IGFLR1: variants seen among roughly 807,000 people sequenced by gnomAD.
IGFLR1 encodes the protein IGF like family receptor 1.
A neutral mutation model predicts 23.4 loss-of-function variants in IGFLR1; 17 were observed. The observed-to-expected ratio is 0.73, with a 90% CI of 0.50 to 1.09. The LOEUF (loss-of-function observed/expected upper bound fraction) is 1.09, where lower values mean the gene tolerates loss of function less well. IGFLR1 is among the 50% of genes least tolerant of loss of function. The probability of loss-of-function intolerance (pLI) is 0.00; values close to 1 mark genes in which losing one functional copy is unlikely to be tolerated. For synonymous variants in IGFLR1, 265 were observed against 210.7 expected (o/e 1.26, Z -2.23); for missense variants, 556 against 459.2 (o/e 1.21, Z -1.93).
At chr19:35,740,778 C>T (rs1040974394) in intron 2 of IGFLR1, 6 of 639,292 alleles carry the variant, frequency 9.4e-6, no homozygotes, top group Non-Finnish European at 1.6e-5. Flanking sequence ...GGCTTCTCTA[C>T]ATAAAGCCCA....
Position 35,739,622 on chromosome 19 carries a change from C to G in IGFLR1, c.726G>C (p.Leu242=). The G allele has an allele frequency of 6.2e-7, 1 of 1,610,352 alleles. No individual in the cohort carries two copies. The highest frequency in any genetic ancestry group is 8.5e-7 in the Non-Finnish European group (1 of 1,177,266). The part of the protein sequence containing the change: ...ASLLPLLSRE[L]SSLASQPLSR... Reference sequence around the variant, plus strand: ...ACAGGGGTTGTGACGCCAGACTGGACAGTTCTGGAAGAAAGGGGAAGGGTA... The same window carrying G: ...ACAGGGGTTGTGACGCCAGACTGGAGAGTTCTGGAAGAAAGGGGAAGGGTA... Residue 242 remains leucine (L), a synonymous_variant, in exon 5 of 5, where the codon CTG becomes CTC. Transcript: ENST00000246532.
chr19:35,739,985 G>A lies in IGFLR1; in HGVS notation c.446C>T (p.Thr149Ile). The change falls in exon 4 of 5, where the codon ACC becomes ATC. Residue 149 changes from threonine to isoleucine, a missense_variant. Transcript: ENST00000246532. ...SSPASSIAWRTPEPVPQQAWP... is the reference protein window; with the variant it reads ...SSPASSIAWRIPEPVPQQAWP... ...GGCCTGCTGAGGGACAGGCTCAGGG[G>A]TCCTCCAGGCAATGGAACTTGCTGG... 1 of 1,614,126 alleles carries A rather than the reference G, an allele frequency of 6.2e-7. No individual in the cohort carries two copies. Among genetic ancestry groups the A allele is most frequent in the Non-Finnish European group, 8.5e-7 (1 of 1,180,012 alleles).
intron 1 of IGFLR1, 28 bp downstream of exon 1, chr19:35,742,368 C>A: frequency 6.6e-7 from 1 of 1,504,796 alleles, no homozygotes; most frequent in South Asian, 1.2e-5. Context: ...AGGTTTTCAG[C>A]ACAAAGGTGT....
In IGFLR1 at chr19:35,741,158, A is replaced by T. The variant is rs199902961; in HGVS notation, c.23T>A (p.Leu8Gln). MGPGRCL[L>Q]TALLLLALAP... ...CAGGGCCAGAAGCAACAAGGCCGTC[A>T]GGAGGCATCGTCCAGGCCCCATCTG... The change falls in exon 2 of 5, where the codon CTG becomes CAG. Residue 8 changes from leucine (L) to glutamine (Q), a missense_variant. Transcript: ENST00000246532. 1.0e-4 allele frequency: 163 copies of T among 1,606,010 alleles called. No homozygotes were observed. Among genetic ancestry groups the T allele is most frequent in the Non-Finnish European group, 1.7e-6 (2 of 1,175,362 alleles).
rs576901469 is a variant in IGFLR1 at position 35,742,133 on chromosome 19, C to T, written c.-44+263G>A. On this transcript the variant is annotated intron_variant, in intron 1 of 4. Coordinates refer to ENST00000246532, the MANE Select transcript of IGFLR1 (RefSeq NM_024660.4). The stretch of plus-strand genomic sequence containing the variant: ...AAAAAAACAAAAACAAACTAAAGTG[C>T]TGAAAACAGCACCTCACATACAGTA... Among the ~76,000 whole-genome samples, 44 of 152,270 alleles carry T rather than the reference C, an allele frequency of 2.9e-4. No individual in the cohort carries two copies. The South Asian group carries it at 3.3e-3, about 11-fold the overall frequency.
At chr19:35,741,799 G>A (rs1382334326) in intron 1 of IGFLR1, among the ~76,000 whole-genome samples, 1 of 148,620 alleles carries the variant, frequency 6.7e-6, no homozygotes, top group Non-Finnish European at 1.5e-5. Flanking sequence ...AACACAGCAA[G>A]ACCTCATCTC....
At chr19:35,740,661 C>T in intron 2 of IGFLR1, 97 bp from the exon 3 acceptor site, 1 of 1,204,450 alleles carries the variant, frequency 8.3e-7, no homozygotes, top group Non-Finnish European at 1.2e-6. Flanking sequence ...CCCGCCCCTC[C>T]AGGACGCTTC....
chr19:35,741,004 G>A lies in IGFLR1; in HGVS notation c.157+20C>T, dbSNP rs544277652. The A allele has an allele frequency of 6.2e-7, 1 of 1,609,504 alleles. No individual in the cohort carries two copies. The highest frequency in any genetic ancestry group is 8.5e-7 in the Non-Finnish European group (1 of 1,178,418). On this transcript the variant is annotated intron_variant, in intron 2 of 4. Transcript: ENST00000246532. The stretch of plus-strand genomic sequence containing the variant: ...CACCTGCAAGCTCCGCCCAAGCAAG[G>A]CTCGGTCTCGGATTCTCACCCGGGC...
rs754502101 is a variant in IGFLR1, at chr19:35,739,718, A to G, written c.713T>C (p.Leu238Pro). 12 of 1,550,838 alleles carry G rather than the reference A, an allele frequency of 7.7e-6. No individual in the cohort carries two copies. The highest frequency in any genetic ancestry group is 5.5e-5 in the African/African-American group (4 of 73,202). The change falls in exon 4 of 5, where the codon CTG becomes CCG. Residue 238 changes from leucine (L) to proline (P), a missense_variant. Transcript: ENST00000246532. ...TWKEASLLPLLSRELSSLASQ... is the reference protein window; with the variant it reads ...TWKEASLLPLPSRELSSLASQ... The stretch of plus-strand genomic sequence containing the variant: ...GCTCCTCCAGGACTAACCCCTGCTC[A>G]GGAGTGGAAGTAGTGAGGCCTCCTT...
At position 35,739,294 on chromosome 19, in the gene IGFLR1, C is replaced by T. The variant is rs556748016; in HGVS notation, c.1054G>A (p.Val352Ile). 1 of 1,594,266 alleles carries T rather than the reference C, an allele frequency of 6.3e-7. No individual in the cohort carries two copies. The highest frequency in any genetic ancestry group is 8.6e-7 in the Non-Finnish European group (1 of 1,167,580). Residue 352 changes from valine (V) to isoleucine (I), a missense_variant, in exon 5 of 5, where the codon GTT (valine) becomes ATT (isoleucine). Coordinates refer to ENST00000246532, the MANE Select transcript of IGFLR1 (RefSeq NM_024660.4). The stretch of plus-strand genomic sequence containing the variant: ...TTTATTGGGTGTTAAGCCCAGCAAA[C>T]CCCAGATGAGCCAAGCTTGGACAGC... ...RVLSKLGSSG[V>I]CWA
rs191751735 is a variant in IGFLR1, at chr19:35,739,786, C to A, written c.645G>T (p.Ser215=). ...CCAGGGCGCCTGGGGAGGACAGATG[C>A]GAGGAGGAAGGGGTGTGGGTGTTGG... ...GVPNTHTPSS[S]HLSSPGALET... Residue 215 remains serine (S), a synonymous_variant, in exon 4 of 5, where the codon TCG becomes TCT. Transcript: ENST00000246532. 1.3e-6 allele frequency: 2 copies of A among 1,572,992 alleles called. No homozygotes were observed.
chr19:35,740,248 C>T (rs1004310372), intron 3 of IGFLR1, 132 bp downstream of exon 3: 2 of 1,312,672 alleles, frequency 1.5e-6, no homozygotes, highest in East Asian at 2.5e-5. Flanking sequence ...TAACCTAGGA[C>T]CTCCCGACCC....
At position 35,740,073 on chromosome 19, in the gene IGFLR1, T is replaced by TGGCAGGGACC; in HGVS notation, c.348_357dup (p.Lys120GlyfsTer18). ...CCAGGTGTGAGGGGGCAGTGCCCCT[T>TGGCAGGGACC]GGCAGGGACCGGCCTCTGGGGATAA... On this transcript the variant is annotated frameshift_variant, in exon 4 of 5. Coordinates refer to ENST00000246532, the MANE Select transcript of IGFLR1 (RefSeq NM_024660.4). LOFTEE classifies it high-confidence loss of function. The TGGCAGGGACC allele has an allele frequency of 6.2e-7, 1 of 1,612,808 alleles. No homozygotes were observed. Among genetic ancestry groups the TGGCAGGGACC allele is most frequent in the Non-Finnish European group, 8.5e-7 (1 of 1,179,660 alleles).
In IGFLR1 at chr19:35,740,535, T is replaced by C. The variant is rs765679716; in HGVS notation, c.187A>G (p.Asn63Asp). The change falls in exon 3 of 5, where the codon AAT becomes GAT. Residue 63 changes from asparagine (N) to aspartate (D), a missense_variant. Asn to Asp is a conservative substitution (Grantham distance 23). Transcript: ENST00000246532. ...DYEFRENCGL[N>D]DHGDFVTPPF... ...GGCGTTACGAAATCGCCGTGGTCAT[T>C]GAGTCCGCAGTTTTCCCGGAACTCA... is the stretch of plus-strand genomic sequence containing the variant. The C allele has an allele frequency of 1.1e-5, 17 of 1,610,680 alleles. No homozygotes were observed. The highest frequency in any genetic ancestry group is 6.6e-5 in the South Asian group (6 of 90,824).
Position 35,739,231 on chromosome 19 carries a change from T to G in IGFLR1, c.*49A>C. 7.0e-7 allele frequency: 1 copy of G among 1,438,750 alleles called. No homozygotes were observed. Among genetic ancestry groups the G allele is most frequent in the South Asian group, 1.4e-5 (1 of 72,658 alleles). The allele number at this position is 1,438,750 out of a possible 1,614,324, so 89.1% of individuals were successfully genotyped here. ...GATTGTACTTCAAGAAGTACTTCAGTGCTAATTGTATACTGGGCTTAGTAG... is the reference window on the plus strand; with the variant it reads ...GATTGTACTTCAAGAAGTACTTCAGGGCTAATTGTATACTGGGCTTAGTAG... On this transcript the variant is annotated 3_prime_UTR_variant, in exon 5 of 5. Transcript: ENST00000246532.
chr19:35,738,897 G>A lies in IGFLR1; in HGVS notation c.*383C>T, dbSNP rs370468581. On this transcript the variant is annotated 3_prime_UTR_variant, in exon 5 of 5. Coordinates refer to ENST00000246532, the MANE Select transcript of IGFLR1 (RefSeq NM_024660.4). The surrounding 1 kb of genome is among the most constrained non-coding windows in gnomAD (Gnocchi z 8.7). ...GTTTGGAGAGGTGGTCTTCCCATTT[G>A]TAGGCTGTGGGGGCAGGTAGGAACC... The A allele has an allele frequency of 2.0e-4, 91 of 456,196 alleles. No individual in the cohort carries two copies. The East Asian group carries it at 2.2e-3, about 11-fold the overall frequency. 28.3% of individuals were successfully genotyped at this position (456,196 alleles called of 1,614,324 possible). A position where few individuals can be genotyped will look rare whatever the true frequency, so the allele number is the denominator to read the frequency against.
At position 35,739,106 on chromosome 19, in the gene IGFLR1, TG is replaced by T. The variant is rs1970041258; in HGVS notation, c.*173del. The T allele has an allele frequency of 5.4e-5, 35 of 649,734 alleles. 1 individual carries two copies. In the South Asian group the frequency reaches 7.3e-4, roughly 14 times the overall value. The allele number at this position is 649,734 out of a possible 1,614,324, so 40.2% of individuals were successfully genotyped here. A position where few individuals can be genotyped will look rare whatever the true frequency, so the allele number is the denominator to read the frequency against. On this transcript the variant is annotated 3_prime_UTR_variant, in exon 5 of 5. Transcript: ENST00000246532. ...GGGATTCTGGTGGCCCAGAGGCACCTGGGGTCAGCCCTCCCACATGTGGCCC... is the reference window on the plus strand; with the variant it reads ...GGGATTCTGGTGGCCCAGAGGCACCTGGGTCAGCCCTCCCACATGTGGCCC...
intron 2 of IGFLR1, 98 bp downstream of exon 2, chr19:35,740,926 G>A: frequency 8.4e-7 from 1 of 1,196,918 alleles, no homozygotes; most frequent in Non-Finnish European, 1.2e-6. Flanking sequence ...AGACCCCTAA[G>A]CAAGCCTCTC....
At chr19:35,741,244 G>C in intron 1 of IGFLR1, 21 bp from the exon 2 acceptor site, 1 of 1,587,610 alleles carries the variant, frequency 6.3e-7, no homozygotes. Flanking sequence ...CGGGGAAATC[G>C]GGCAGAAGAA....
Sources: gnomAD v4.1 joint callset for allele counts (sites outside exome capture counted in the v4.1 genomes callset) on GRCh38, gnomAD v4.1.1 for gene constraint, Gnocchi (gnomAD v3.1) non-coding constraint, MANE v1.5 for transcripts, NCBI Gene and HGNC (gene_info 2026-07-23, HGNC 2026-07-21) for gene names.